Variants in PDZD7 observed in about 807,000 individuals in gnomAD.
The protein encoded by PDZD7 is PDZ domain-containing protein 7.
Under a neutral mutation model 84.7 loss-of-function variants are expected in PDZD7, and 72 were observed. The observed-to-expected ratio is 0.85, with a 90% CI of 0.70 to 1.03. The LOEUF (loss-of-function observed/expected upper bound fraction) is 1.03. PDZD7 is among the 50% of genes least tolerant of loss of function. The pLI is 0.00. For missense variants in PDZD7, 1,490 were observed against 1,412.9 expected, an observed-to-expected ratio of 1.05 and a Z score of -0.87; for synonymous variants, 594 against 580.7, an observed-to-expected ratio of 1.02 and a Z score of -0.33.
chr10:101,009,428 C>T, intron 15 of PDZD7, 78 bp from the exon 16 acceptor site: 1 of 1,188,558 alleles, frequency 8.4e-7, no homozygotes, highest in Admixed American at 2.0e-5. Context: ...CCTAGAATCC[C>T]ATCCCCAAAT....
chr10:101,008,799 G>A lies in PDZD7; in HGVS notation c.2770C>T (p.His924Tyr). The stretch of plus-strand genomic sequence containing the variant: ...CGGATGGTGTCTACTGCACGCTGGT[G>A]GGTCACCTGCTCTAGATTCTCTCCG... ...VDGENLEQVT[H>Y]QRAVDTIRRA... The change falls in exon 17 of 17, where the codon CAC (histidine) becomes TAC (tyrosine). Residue 924 changes from histidine (H) to tyrosine (Y), a missense_variant. His to Tyr is a moderately conservative substitution (Grantham distance 83). Transcript: ENST00000619208. 6.5e-7 allele frequency: 1 copy of A among 1,529,364 alleles called. No homozygotes were observed. The highest frequency in any genetic ancestry group is 8.8e-7 in the Non-Finnish European group (1 of 1,141,918). The allele number at this position is 1,529,364 out of a possible 1,614,324, so 94.7% of individuals were successfully genotyped here.
rs760102161 is a variant in PDZD7, at chr10:101,023,529, A to G, written c.449T>C (p.Val150Ala). 1 of 1,613,946 alleles carries G rather than the reference A, an allele frequency of 6.2e-7. No individual in the cohort carries two copies. Among genetic ancestry groups the G allele is most frequent in the South Asian group, 1.1e-5 (1 of 91,080 alleles). ...GCGGCTGCTGCTGGTCAGCACCTTT[A>G]CGGCGCTACCCATGGTGGTGCTCTC... is the stretch of plus-strand genomic sequence containing the variant. ...SLESTTMGSA[V>A]KVLTSSSRLH... is the part of the protein sequence containing the mutation. The change falls in exon 4 of 17, where the codon GTA (valine) becomes GCA (alanine). Residue 150 changes from valine (V) to alanine (A), a missense_variant. By Grantham distance (64) the Val-to-Ala change is moderately conservative. Transcript: ENST00000619208.
At position 101,015,753 on chromosome 10, in the gene PDZD7, C is replaced by A; in HGVS notation, c.1632G>T (p.Leu544=). Residue 544 remains leucine, a synonymous_variant, in exon 11 of 17, where the codon CTG becomes CTT. Transcript: ENST00000619208. ...SARSGSPSSQ[L]PNVDEQVQAW... is the part of the protein sequence containing the mutation. ...CCTGAACCTGCTCATCCACATTAGG[C>A]AGCTGGCTGGAGGGACTCCCAGACC... 6.5e-7 allele frequency: 1 copy of A among 1,550,082 alleles called. No individual in the cohort carries two copies. Among genetic ancestry groups the A allele is most frequent in the Non-Finnish European group, 8.7e-7 (1 of 1,146,934 alleles).
chr10:101,027,353 G>C (rs368552853), intron 2 of PDZD7, among the ~76,000 whole-genome samples: 1 of 151,354 alleles, frequency 6.6e-6, no homozygotes, highest in African/African-American at 2.4e-5. Flanking sequence ...TGCCTGCAGT[G>C]CTCCTGCCCA....
chr10:101,019,634 T>C (rs1167369978), intron 7 of PDZD7, among the ~76,000 whole-genome samples: 2 of 147,630 alleles, frequency 1.4e-5, no homozygotes, highest in Non-Finnish European at 3.0e-5. Flanking sequence ...TCTTCTTCTT[T>C]TTTTTTTCTT....
chr10:101,026,177 C>G (rs1402766903), intron 2 of PDZD7, among the ~76,000 whole-genome samples: 2 of 151,918 alleles, frequency 1.3e-5, no homozygotes, highest in African/African-American at 4.8e-5. Context: ...CTTCTTCTCC[C>G]AGGCTGGAGT....
At chr10:101,023,193 A>C in intron 4 of PDZD7, 1 of 557,602 alleles carries the variant, frequency 1.8e-6, no homozygotes, top group South Asian at 2.0e-5. Context: ...TGGGTTTCAC[A>C]GCAGGAGCAG....
At chr10:101,009,208 A>G (rs1308354824) in intron 16 of PDZD7, 42 bp downstream of exon 16, 1 of 1,482,372 alleles carries the variant, frequency 6.7e-7, no homozygotes, top group South Asian at 1.2e-5. Context: ...GCCTGGTTTC[A>G]GCTGTGCTCT....
chr10:101,008,204 A>G lies in PDZD7; in HGVS notation c.*263T>C, dbSNP rs1057439831. On this transcript the variant is annotated 3_prime_UTR_variant, in exon 17 of 17. Transcript: ENST00000619208. ...CCAAGCTCCAGACCTTGGCTTTCTC[A>G]CCCCCTATCCTGGCTTGGGAGGTTG... is the stretch of plus-strand genomic sequence containing the variant. 2 of 496,374 alleles carry G rather than the reference A, an allele frequency of 4.0e-6. No homozygotes were observed. Among genetic ancestry groups the G allele is most frequent in the Middle Eastern group, 5.1e-4 (1 of 1,972 alleles). 30.7% of individuals were successfully genotyped at this position (496,374 alleles called of 1,614,324 possible).
intron 8 of PDZD7, among the ~76,000 whole-genome samples, chr10:101,018,507 C>A (rs1852844572): frequency 6.6e-6 from 1 of 152,168 alleles, no homozygotes; most frequent in Non-Finnish European, 1.5e-5. Context: ...TCCCTTGAGG[C>A]CCAGTTAGAG....
At chr10:101,028,225 CT>C (rs976654107) in intron 2 of PDZD7, among the ~76,000 whole-genome samples, 1 of 152,160 alleles carries the variant, frequency 6.6e-6, no homozygotes, top group African/African-American at 2.4e-5. Context: ...GCTTCCTTGG[CT>C]GCACAGTGGC....
At chr10:101,015,002 T>A (rs912496292) in intron 11 of PDZD7, among the ~76,000 whole-genome samples, 2 of 152,178 alleles carry the variant, frequency 1.3e-5, no homozygotes, top group African/African-American at 4.8e-5. Context: ...CCCCACAGCC[T>A]CCCCAACAGG....
chr10:101,016,510 A>G, intron 9 of PDZD7, 83 bp from the exon 10 acceptor site: 2 of 1,427,770 alleles, frequency 1.4e-6, no homozygotes, highest in South Asian at 2.5e-5. Flanking sequence ...ACAAGCTGGA[A>G]TGGAGAATTC....
intron 11 of PDZD7, 98 bp downstream of exon 11, chr10:101,015,538 A>AAGCCC (rs1198183014): frequency 7.0e-7 from 1 of 1,422,712 alleles, no homozygotes; most frequent in African/African-American, 1.4e-5. Context: ...TCCTGGTGTC[A>AAGCCC]AGCCCAGACA....
intron 9 of PDZD7, chr10:101,017,871 GAAAGAAAGAAAGAAAGAAAGA>G (rs879558782): frequency 0.042 from 18,281 of 436,086 alleles, 908 homozygotes; most frequent in Middle Eastern, 0.057. Context: ...AAGAAAGAAA[GAAAGAAAGAAAGAAAGAAAGA>G]AAAGAAAGAA....
intron 9 of PDZD7, 199 bp downstream of exon 9, chr10:101,017,895 AGAAAG>A: frequency 2.5e-6 from 1 of 401,072 alleles, no homozygotes; most frequent in Non-Finnish European, 4.3e-6. Flanking sequence ...AAGAAAGAAA[AGAAAG>A]AAAGAAAGAA....
At chr10:101,019,489 G>T (rs1186303641) in intron 7 of PDZD7, among the ~76,000 whole-genome samples, 1 of 151,186 alleles carries the variant, frequency 6.6e-6, no homozygotes, top group East Asian at 1.9e-4. Flanking sequence ...TCTGGACTGT[G>T]TGAAGGGTCT....
chr10:101,030,534 T>G, intron 1 of PDZD7, 150 bp from the exon 2 acceptor site: 1 of 538,138 alleles, frequency 1.9e-6, no homozygotes, highest in Non-Finnish European at 3.4e-6. Flanking sequence ...AACTGCCCCG[T>G]CCAGGCACCA....
chr10:101,030,399 C>T lies in PDZD7; in HGVS notation c.-165-15G>A, dbSNP rs1202848092. 5.7e-6 allele frequency: 4 copies of T among 703,032 alleles called. No individual in the cohort carries two copies. Among genetic ancestry groups the T allele is most frequent in the Admixed American group, 2.0e-5 (1 of 49,828 alleles). 43.5% of individuals were successfully genotyped at this position (703,032 alleles called of 1,614,324 possible). A position where few individuals can be genotyped will look rare whatever the true frequency, so the allele number is the denominator to read the frequency against. On this transcript the variant is annotated splice_polypyrimidine_tract_variant and intron_variant, in intron 1 of 16. Transcript: ENST00000619208. ...GAGCTCCAGGCCTGGGCAGGGAGAG[C>T]AGGGATGAGGGAGGGGTGTAAATGT... is the stretch of plus-strand genomic sequence containing the variant.
Sources: gnomAD v4.1 joint callset for allele counts (sites outside exome capture counted in the v4.1 genomes callset) on GRCh38, gnomAD v4.1.1 for gene constraint, MANE v1.5 for transcripts, NCBI Gene and HGNC (gene_info 2026-07-23, HGNC 2026-07-21) for gene names.